DUSP18: variants seen among roughly 807,000 people sequenced by gnomAD.
The protein encoded by DUSP18 is dual specificity protein phosphatase 18.
A neutral mutation model predicts 6.3 loss-of-function variants in DUSP18; 4 were observed. The observed-to-expected ratio is 0.63, with a 90% CI of 0.31 to 1.45. DUSP18 has a LOEUF of 1.45. Among genes scored for constraint, DUSP18 ranks in the 40% most tolerant of loss-of-function variants. The probability of loss-of-function intolerance (pLI) is 0.07; values close to 1 mark genes in which losing one functional copy is unlikely to be tolerated. For synonymous variants in DUSP18, 96 were observed against 95.1 expected (o/e 1.01, Z -0.05); for missense variants, 235 against 247.7 (o/e 0.95, Z 0.34).
chr22:30,654,650 G>A (rs1602089611), intron 2 of DUSP18: 1 of 451,928 alleles, frequency 2.2e-6, no homozygotes, highest in East Asian at 6.1e-5. Flanking sequence ...ATCCACTTGT[G>A]GAGGAAGGCC....
downstream of DUSP18, among the ~76,000 whole-genome samples, chr22:30,657,642 T>C (rs1264713449): frequency 2.0e-5 from 3 of 151,544 alleles, no homozygotes; most frequent in Non-Finnish European, 2.9e-5. Context: ...CGGTGGCTCA[T>C]GCCTGTAATC....
At position 30,663,833 on chromosome 22, in the gene DUSP18, C is replaced by T. The variant is rs1386823361; in HGVS notation, c.171G>A (p.Val57=). 1 of 1,614,194 alleles carries T rather than the reference C, an allele frequency of 6.2e-7. No individual in the cohort carries two copies. The highest frequency in any genetic ancestry group is 8.5e-7 in the Non-Finnish European group (1 of 1,180,046). The change falls in exon 2 of 2, where the codon GTG becomes GTA. Residue 57 remains valine, a synonymous_variant. Coordinates refer to ENST00000334679, the MANE Select transcript of DUSP18 (RefSeq NM_152511.5). The part of the protein sequence containing the change: ...TMVINVSVEV[V]NTLYEDIQYM... ...ACTGGATATCCTCATACAAGGTGTT[C>T]ACTACCTCCACTGAGACATTGATGA...
intron 2 of DUSP18, among the ~76,000 whole-genome samples, chr22:30,656,325 G>A (rs950090454): frequency 1.3e-5 from 2 of 152,084 alleles, no homozygotes; most frequent in African/African-American, 4.8e-5. Context: ...GCAGGGCTGT[G>A]TGCTTCAAGG....
At chr22:30,658,521 T>C (rs975937506), downstream of DUSP18, among the ~76,000 whole-genome samples, 10 of 151,890 alleles carry the variant, frequency 6.6e-5, no homozygotes, top group Non-Finnish European at 1.2e-4. Context: ...TCCGTTGCCT[T>C]TTTTCTCTCT....
At chr22:30,666,590 C>T (rs937282952) in intron 1 of DUSP18, among the ~76,000 whole-genome samples, 53 of 139,786 alleles carry the variant, frequency 3.8e-4, no homozygotes, top group African/African-American at 1.3e-3. Context: ...CCACTGCACT[C>T]CAGCCTGGGA....
intron 2 of DUSP18, among the ~76,000 whole-genome samples, chr22:30,652,453 G>T (rs981015964): frequency 2.6e-5 from 4 of 152,226 alleles, no homozygotes; most frequent in Admixed American, 1.3e-4. Context: ...AAAGAGGTCT[G>T]CTTTGGGAAA....
intron 1 of DUSP18, 85 bp downstream of exon 1, chr22:30,667,377 G>A (rs1224370095): frequency 1.3e-5 from 2 of 152,200 alleles, no homozygotes; most frequent in East Asian, 3.9e-4. Flanking sequence ...TCACTTCTAG[G>A]GGTGGGCCGG....
rs1184611787 is a variant in DUSP18, at chr22:30,663,924, A to G, written c.80T>C (p.Leu27Pro). The G allele has an allele frequency of 1.2e-6, 2 of 1,614,188 alleles. No individual in the cohort carries two copies. Among genetic ancestry groups the G allele is most frequent in the African/African-American group, 1.3e-5 (1 of 75,038 alleles). The change falls in exon 2 of 2, where the codon CTG (leucine) becomes CCG (proline). Residue 27 changes from leucine to proline, a missense_variant. Leu to Pro is a moderately conservative substitution (Grantham distance 98). Transcript: ENST00000334679. Reference protein sequence around the residue: ...VSGLSQITKSLYISNGVAANN... With the variant: ...VSGLSQITKSPYISNGVAANN... ...GGCGGCCACACCATTGCTGATATACAGGCTTTTGGTTATCTGCGAGAGGCC... is the reference window on the plus strand; with the variant it reads ...GGCGGCCACACCATTGCTGATATACGGGCTTTTGGTTATCTGCGAGAGGCC...
downstream of DUSP18, among the ~76,000 whole-genome samples, chr22:30,657,669 C>T (rs1242209910): frequency 6.6e-6 from 1 of 151,492 alleles, no homozygotes; most frequent in South Asian, 2.1e-4. Flanking sequence ...CTTTGGGAGG[C>T]CGAGTCAGGT....
downstream of DUSP18, among the ~76,000 whole-genome samples, chr22:30,661,001 G>T (rs1267738651): frequency 6.6e-6 from 1 of 151,992 alleles, no homozygotes; most frequent in Non-Finnish European, 1.5e-5. Context: ...TTGCCACTAC[G>T]CCCTGCTTTC....
At chr22:30,653,336 C>T (rs925677140) in intron 2 of DUSP18, among the ~76,000 whole-genome samples, 1 of 151,812 alleles carries the variant, frequency 6.6e-6, no homozygotes, top group African/African-American at 2.4e-5. Context: ...GCTGCCCTAT[C>T]CCGACTGCCA....
intron 2 of DUSP18, among the ~76,000 whole-genome samples, chr22:30,655,439 A>G (rs1302931414): frequency 6.6e-6 from 1 of 151,540 alleles, no homozygotes; most frequent in Non-Finnish European, 1.5e-5. Context: ...CAAAAAAAAA[A>G]AAAAAAAAAG....
exon 3 of DUSP18, chr22:30,652,172 G>C (rs114861665): frequency 0.018 from 2,717 of 152,292 alleles, 72 homozygotes; most frequent in African/African-American, 0.062. Context: ...TGATTGGTCA[G>C]GGATGAAATC....
At chr22:30,656,044 T>C (rs2088332729) in intron 2 of DUSP18, among the ~76,000 whole-genome samples, 1 of 151,986 alleles carries the variant, frequency 6.6e-6, no homozygotes, top group Admixed American at 6.6e-5. Flanking sequence ...GCCATCATAG[T>C]TGACTGCAGC....
chr22:30,655,285 G>A (rs2088312254), intron 2 of DUSP18, among the ~76,000 whole-genome samples: 1 of 143,914 alleles, frequency 6.9e-6, no homozygotes, highest in African/African-American at 2.5e-5. Flanking sequence ...GCAAAACCCT[G>A]TCTCTACGGA....
intron 2 of DUSP18, chr22:30,653,999 A>ATTTT (rs2088281528): frequency 7.8e-6 from 1 of 128,060 alleles, no homozygotes. Flanking sequence ...TTTTTTTTTG[A>ATTTT]GACGGAGTCG....
chr22:30,661,095 C>T (rs2088451657), downstream of DUSP18, among the ~76,000 whole-genome samples: 2 of 152,160 alleles, frequency 1.3e-5, no homozygotes, highest in African/African-American at 4.8e-5. Flanking sequence ...GCCACCTCGG[C>T]CTCCCAAAGT....
At chr22:30,666,188 T>C (rs2088651852) in intron 1 of DUSP18, among the ~76,000 whole-genome samples, 1 of 151,998 alleles carries the variant, frequency 6.6e-6, no homozygotes, top group Non-Finnish European at 1.5e-5. Flanking sequence ...TGAACTGATG[T>C]CCCCCCAAAC....
In DUSP18 at chr22:30,663,968, G is replaced by C; in HGVS notation, c.36C>G (p.Phe12Leu). 6.2e-7 allele frequency: 1 copy of C among 1,614,162 alleles called. No individual in the cohort carries two copies. The highest frequency in any genetic ancestry group is 1.1e-5 in the South Asian group (1 of 91,078). ...TAPSCAFPVQ[F>L]RQPSVSGLSQ... is the part of the protein sequence containing the mutation. ...AGAGGCCGCTGACTGAGGGCTGCCG[G>C]AACTGAACTGGGAAGGCACACGAGG... The change falls in exon 2 of 2, where the codon TTC (phenylalanine) becomes TTG (leucine). Residue 12 changes from phenylalanine to leucine, a missense_variant. Transcript: ENST00000334679.
Sources: allele counts gnomAD v4.1 joint callset (sites outside exome capture counted in the v4.1 genomes callset), GRCh38; gene constraint gnomAD v4.1.1; transcripts MANE v1.5; gene names NCBI Gene and HGNC (gene_info 2026-07-23, HGNC 2026-07-21).